KCNT2: variants seen among roughly 807,000 people sequenced by gnomAD.
The protein encoded by KCNT2 is potassium channel subfamily T member 2.
Under a neutral mutation model 153.8 loss-of-function variants are expected in KCNT2, and 67 were observed. That is an observed-to-expected ratio of 0.44 (90% CI 0.36 to 0.53). KCNT2 has a LOEUF of 0.53. KCNT2 is among the 20% of genes least tolerant of loss of function. The probability of loss-of-function intolerance (pLI) is 0.00; values close to 1 mark genes in which losing one functional copy is unlikely to be tolerated. For synonymous variants in KCNT2, 500 were observed against 458.8 expected, an observed-to-expected ratio of 1.09 and a Z score of -1.15; for missense variants, 975 against 1,354.8, an observed-to-expected ratio of 0.72 and a Z score of 4.40.
intron 1 of KCNT2, among the ~76,000 whole-genome samples, chr1:196,591,391 C>T (rs1346497262): frequency 1.3e-5 from 2 of 152,098 alleles, no homozygotes; most frequent in African/African-American, 4.8e-5. Flanking sequence ...TTATAAATCA[C>T]CCAGCCTGAG....
At chr1:196,391,496 C>T (rs1027263055) in intron 13 of KCNT2, among the ~76,000 whole-genome samples, 1 of 150,982 alleles carries the variant, frequency 6.6e-6, no homozygotes, top group African/African-American at 2.4e-5. Flanking sequence ...TACTCAGAAC[C>T]AAGAAATTGG....
At chr1:196,577,423 G>A (rs1661496926) in intron 1 of KCNT2, among the ~76,000 whole-genome samples, 1 of 152,142 alleles carries the variant, frequency 6.6e-6, no homozygotes, top group Non-Finnish European at 1.5e-5. Context: ...AATGGAGAAG[G>A]CACAGAGATG....
intron 22 of KCNT2, among the ~76,000 whole-genome samples, chr1:196,290,305 T>A (rs943341885): frequency 7.9e-5 from 12 of 152,076 alleles, no homozygotes; most frequent in Non-Finnish European, 1.8e-4. Context: ...TCTTTTCACA[T>A]CACTCTATCT....
chr1:196,228,155 C>T lies in KCNT2; in HGVS notation c.*69G>A, dbSNP rs1328290778. ...ACATATATTTCCATCTAGTTTCTTT[C>T]GTGCCAGCAAAACTTTTGTGGTTTC... On this transcript the variant is annotated 3_prime_UTR_variant, in exon 28 of 28. Coordinates refer to ENST00000294725, the MANE Select transcript of KCNT2 (RefSeq NM_198503.5). 33 of 802,438 alleles carry T rather than the reference C, an allele frequency of 4.1e-5. No homozygotes were observed. The highest frequency in any genetic ancestry group is 2.3e-4 in the Middle Eastern group (1 of 4,368). The allele number at this position is 802,438 out of a possible 1,614,324, so 49.7% of individuals were successfully genotyped here.
At chr1:196,261,934 G>C (rs752626104) in intron 25 of KCNT2, among the ~76,000 whole-genome samples, 2 of 151,738 alleles carry the variant, frequency 1.3e-5, no homozygotes, top group Non-Finnish European at 3.0e-5. Context: ...GTTCAATAAA[G>C]AAGTGAAAAA....
At position 196,244,528 on chromosome 1, in the gene KCNT2, G is replaced by A. The variant is rs1655252112; in HGVS notation, c.3212-8458C>T. ...TCACCAAAATCTGACTGAAGAGCAT[G>A]TGGGCCTTGAATGAACATTGACGGT... On this transcript the variant is annotated intron_variant, in intron 26 of 27. Transcript: ENST00000294725. 3.3e-5 allele frequency among the ~76,000 whole-genome samples: 5 copies of A among 152,124 alleles called. No individual in the cohort carries two copies. The South Asian group carries it at 1.0e-3, about 31-fold the overall frequency.
At chr1:196,425,610 G>C (rs371116560) in intron 11 of KCNT2, among the ~76,000 whole-genome samples, 61 of 152,036 alleles carry the variant, frequency 4.0e-4, no homozygotes, top group African/African-American at 1.4e-3. Flanking sequence ...TGTGCTGTGT[G>C]GTCACAGTCT....
chr1:196,321,817 A>G (rs1234597187), intron 19 of KCNT2, among the ~76,000 whole-genome samples: 1 of 151,998 alleles, frequency 6.6e-6, no homozygotes, highest in Non-Finnish European at 1.5e-5. Flanking sequence ...TCTGAAACAT[A>G]AAGAATAAAT....
intron 12 of KCNT2, among the ~76,000 whole-genome samples, chr1:196,405,995 C>A (rs953367276): frequency 6.6e-6 from 1 of 151,426 alleles, no homozygotes; most frequent in African/African-American, 2.4e-5. Context: ...GTTGTATAAA[C>A]AATTCTTGCC....
At chr1:196,255,803 G>T (rs1343821110) in intron 26 of KCNT2, among the ~76,000 whole-genome samples, 1 of 151,864 alleles carries the variant, frequency 6.6e-6, no homozygotes, top group Non-Finnish European at 1.5e-5. Flanking sequence ...TTCTAATGCA[G>T]AATCTTTTGG....
intron 12 of KCNT2, among the ~76,000 whole-genome samples, chr1:196,406,868 C>T (rs1186521075): frequency 6.6e-6 from 1 of 151,394 alleles, no homozygotes; most frequent in Non-Finnish European, 1.5e-5. Flanking sequence ...ATGATAAAAA[C>T]CTGCTTGCCT....
chr1:196,446,354 G>A (rs2148604280), intron 8 of KCNT2, among the ~76,000 whole-genome samples: 1 of 151,356 alleles, frequency 6.6e-6, no homozygotes, highest in African/African-American at 2.4e-5. Flanking sequence ...TTCATTCTTA[G>A]CAATTATCAA....
At chr1:196,234,447 A>T (rs566939967) in intron 27 of KCNT2, among the ~76,000 whole-genome samples, 1 of 151,356 alleles carries the variant, frequency 6.6e-6, no homozygotes, top group Admixed American at 6.6e-5. Flanking sequence ...TTCTGCCTTC[A>T]TAAATCTATT....
chr1:196,258,570 TG>T, intron 25 of KCNT2, 76 bp from the exon 26 acceptor site: 1 of 1,099,856 alleles, frequency 9.1e-7, no homozygotes, highest in Non-Finnish European at 1.3e-6. Flanking sequence ...ATATTTTATT[TG>T]CTAATATATT....
At chr1:196,544,781 C>A (rs566746588) in intron 1 of KCNT2, among the ~76,000 whole-genome samples, 107 of 152,116 alleles carry the variant, frequency 7.0e-4, no homozygotes, top group Non-Finnish European at 1.2e-3. Context: ...ATGCCCTGAG[C>A]AGCACAAAGG....
At chr1:196,318,556 C>A (rs933625617) in intron 20 of KCNT2, among the ~76,000 whole-genome samples, 11 of 151,610 alleles carry the variant, frequency 7.3e-5, no homozygotes, top group Non-Finnish European at 1.5e-5. Flanking sequence ...ACACTATTAC[C>A]TCAAAAGATT....
intron 4 of KCNT2, among the ~76,000 whole-genome samples, chr1:196,480,087 C>T (rs1308209203): frequency 6.6e-6 from 1 of 151,862 alleles, no homozygotes; most frequent in African/African-American, 2.4e-5. Flanking sequence ...TGTTAACTAC[C>T]AAAAATATAT....
At chr1:196,440,178 A>G (rs1338997529) in intron 8 of KCNT2, among the ~76,000 whole-genome samples, 2 of 151,944 alleles carry the variant, frequency 1.3e-5, no homozygotes, top group African/African-American at 4.8e-5. Context: ...TTAATTTTTA[A>G]TTTAAATGCA....
chr1:196,543,088 C>A lies in KCNT2; in HGVS notation c.96-50747G>T, dbSNP rs528876034. ...ATGAATTATTTAGCAAATGTATAAG[C>A]AAAATATTAATTTAAAATATAGTTG... On this transcript the variant is annotated intron_variant, in intron 1 of 27. Coordinates refer to ENST00000294725, the MANE Select transcript of KCNT2 (RefSeq NM_198503.5). Among the ~76,000 whole-genome samples the A allele has an allele frequency of 2.6e-5, 4 of 152,060 alleles. No homozygotes were observed. The East Asian group carries it at 7.7e-4, about 29-fold the overall frequency.
Sources: gnomAD v4.1 joint callset for allele counts (sites outside exome capture counted in the v4.1 genomes callset) on GRCh38, gnomAD v4.1.1 for gene constraint, MANE v1.5 for transcripts, NCBI Gene and HGNC (gene_info 2026-07-23, HGNC 2026-07-21) for gene names.